The following EIF3L variants were observed in gnomAD, a reference collection of about 807,000 sequenced individuals.
The protein encoded by EIF3L is eukaryotic translation initiation factor 3 subunit L, also known as eIEF associated protein HSPC021.
In EIF3L, 32 loss-of-function variants were observed where a neutral mutation model predicts 74.6. The ratio of observed to expected loss-of-function variants is 0.43; its 90% confidence interval spans 0.32 to 0.58. The LOEUF (loss-of-function observed/expected upper bound fraction) is 0.58, where lower values mean the gene tolerates loss of function less well. EIF3L is among the 20% of genes least tolerant of loss of function. The pLI is 0.06. For missense variants in EIF3L, 474 were observed against 707.8 expected (o/e 0.67, Z 3.75); for synonymous variants, 256 against 254.4 (o/e 1.01, Z -0.06).
intron 9 of EIF3L, 61 bp downstream of exon 9, chr22:37,874,585 A>C (rs1264270697): frequency 1.3e-6 from 2 of 1,543,556 alleles, no homozygotes; most frequent in Non-Finnish European, 1.8e-6. Context: ...CTAGAGAACC[A>C]CTCTGATCTC....
intron 11 of EIF3L, chr22:37,879,772 C>G (rs904458414): frequency 8.6e-5 from 13 of 151,796 alleles, no homozygotes; most frequent in Admixed American, 7.9e-4. Context: ...CTCACATAAC[C>G]CTCATTGGCC....
rs1023400042 is a variant in EIF3L, at chr22:37,849,479, T to C, written c.30T>C (p.Ser10=). The part of the protein sequence containing the change: MSYPADDYE[S]EAAYDPYAYP... Reference sequence around the variant, plus strand: ...CTTATCCCGCTGATGATTATGAGTCTGAGGTAAGGTGGCCGTAAGGGCGCG... The same window carrying C: ...CTTATCCCGCTGATGATTATGAGTCCGAGGTAAGGTGGCCGTAAGGGCGCG... The change falls in exon 1 of 13, where the codon TCT becomes TCC. Residue 10 remains serine (S), a synonymous_variant. Transcript: ENST00000652021. 1 of 1,598,052 alleles carries C rather than the reference T, an allele frequency of 6.3e-7. No homozygotes were observed. Among genetic ancestry groups the C allele is most frequent in the Admixed American group, 1.7e-5 (1 of 58,848 alleles).
At chr22:37,870,566 A>C (rs551694887) in intron 8 of EIF3L, among the ~76,000 whole-genome samples, 1 of 152,192 alleles carries the variant, frequency 6.6e-6, no homozygotes, top group Non-Finnish European at 1.5e-5. Flanking sequence ...GAACCAGCAC[A>C]TTGAGATTTG....
chr22:37,862,869 C>G, intron 5 of EIF3L, 100 bp from the exon 6 acceptor site: 1 of 852,656 alleles, frequency 1.2e-6, no homozygotes, highest in Non-Finnish European at 1.9e-6. Context: ...AGGACAGATA[C>G]CAATTCTCTT....
At chr22:37,875,583 A>T (rs541147843) in intron 9 of EIF3L, among the ~76,000 whole-genome samples, 22 of 152,292 alleles carry the variant, frequency 1.4e-4, no homozygotes, top group African/African-American at 5.1e-4. Flanking sequence ...CAAAACTGAG[A>T]TGTATAGCAT....
Position 37,878,097 on chromosome 22 carries a change from G to C in EIF3L, c.1501G>C (p.Val501Leu). Reference protein sequence around the residue: ...LVFKHKMKNLVWTSGISALDG... With the variant: ...LVFKHKMKNLLWTSGISALDG... ...CTTCAAACACAAGATGAAGAACCTCGTGTGGACCAGCGGTATCTCAGCCCT... is the reference window on the plus strand; with the variant it reads ...CTTCAAACACAAGATGAAGAACCTCCTGTGGACCAGCGGTATCTCAGCCCT... The change falls in exon 11 of 13, where the codon GTG (valine) becomes CTG (leucine). Residue 501 changes from valine (V) to leucine (L), a missense_variant. By Grantham distance (32) the Val-to-Leu change is conservative (BLOSUM62 1). This residue lies in a region of EIF3L where 293 missense variants were observed against 469.1 expected (regional missense o/e 0.62). Coordinates refer to ENST00000652021, the MANE Select transcript of EIF3L (RefSeq NM_016091.4). The C allele has an allele frequency of 1.2e-6, 2 of 1,614,162 alleles. No individual in the cohort carries two copies. The highest frequency in any genetic ancestry group is 1.7e-6 in the Non-Finnish European group (2 of 1,180,030).
At position 37,863,253 on chromosome 22, in the gene EIF3L, T is replaced by C. The variant is rs1195353958; in HGVS notation, c.506-19T>C. The C allele has an allele frequency of 1.9e-6, 3 of 1,605,128 alleles. No homozygotes were observed. The highest frequency in any genetic ancestry group is 2.7e-5 in the African/African-American group (2 of 74,490). On this transcript the variant is annotated intron_variant, in intron 6 of 12. Coordinates refer to ENST00000652021, the MANE Select transcript of EIF3L (RefSeq NM_016091.4). ...GAGTCATTGCTTTGAATCTGACTTT[T>C]CTGTGATCTCCTGCACAGATGCCGA...
At position 37,870,363 on chromosome 22, in the gene EIF3L, C is replaced by A; in HGVS notation, c.751+16C>A. The A allele has an allele frequency of 6.3e-7, 1 of 1,582,554 alleles. No homozygotes were observed. The highest frequency in any genetic ancestry group is 1.1e-5 in the South Asian group (1 of 87,096). ...ACAAGCGGAGGTGAGTGCAGCAGGC[C>A]GACAGCCGTGGCCTGCGAATTTCCA... On this transcript the variant is annotated intron_variant, in intron 8 of 12. Transcript: ENST00000652021.
At chr22:37,866,464 T>TA (rs1305651668) in intron 7 of EIF3L, among the ~76,000 whole-genome samples, 1 of 152,230 alleles carries the variant, frequency 6.6e-6, no homozygotes, top group Non-Finnish European at 1.5e-5. Context: ...TAAGTTTTTT[T>TA]AAATCAGCTT....
chr22:37,855,153 T>G (rs1178976098), intron 3 of EIF3L, among the ~76,000 whole-genome samples: 1 of 152,188 alleles, frequency 6.6e-6, no homozygotes, highest in Non-Finnish European at 1.5e-5. Context: ...ATGCTGTAGG[T>G]CTGTTGTGGC....
Position 37,878,144 on chromosome 22 carries a change from C to T in EIF3L, c.1548C>T (p.Ala516=), listed in dbSNP as rs1455053455. The T allele has an allele frequency of 6.2e-7, 1 of 1,611,600 alleles. No individual in the cohort carries two copies. The highest frequency in any genetic ancestry group is 8.5e-7 in the Non-Finnish European group (1 of 1,178,362). ...ISALDGEFQS[A]SEVDFYIDKD... is the part of the protein sequence containing the mutation. ...CCCTGGATGGTGAATTTCAGTCAGCCTCAGAGGTTGACTTCTACATTGATA... is the reference window on the plus strand; with the variant it reads ...CCCTGGATGGTGAATTTCAGTCAGCTTCAGAGGTTGACTTCTACATTGATA... The change falls in exon 11 of 13, where the codon GCC becomes GCT. Residue 516 remains alanine, a synonymous_variant. Transcript: ENST00000652021.
At chr22:37,850,852 G>A (rs1297855333) in intron 2 of EIF3L, among the ~76,000 whole-genome samples, 1 of 152,198 alleles carries the variant, frequency 6.6e-6, no homozygotes, top group Admixed American at 6.5e-5. Flanking sequence ...AGAAAATATA[G>A]CAGAGAGGTT....
At chr22:37,856,089 G>T (rs906211668) in intron 4 of EIF3L, among the ~76,000 whole-genome samples, 9 of 151,390 alleles carry the variant, frequency 5.9e-5, no homozygotes, top group African/African-American at 2.2e-4. Flanking sequence ...ATGGAGTCTC[G>T]TTCTGTCTCC....
chr22:37,881,102 CT>C (rs1202886659), intron 11 of EIF3L: 1 of 152,190 alleles, frequency 6.6e-6, no homozygotes, highest in East Asian at 1.9e-4. Flanking sequence ...GCCTCAAGTT[CT>C]TTCCAGAAGG....
At chr22:37,874,333 G>T (rs778719681) in intron 8 of EIF3L, 37 bp from the exon 9 acceptor site, 3 of 1,598,106 alleles carry the variant, frequency 1.9e-6, no homozygotes, top group Admixed American at 1.7e-5. Context: ...GCCTTTACCT[G>T]CCTCCTATCA....
intron 3 of EIF3L, among the ~76,000 whole-genome samples, chr22:37,854,947 G>A (rs1458831588): frequency 3.9e-5 from 6 of 152,160 alleles, no homozygotes; most frequent in Non-Finnish European, 5.9e-5. Context: ...GGCCTGTTCA[G>A]TGTTTTTTAG....
At chr22:37,881,503 G>A (rs1927046900) in intron 11 of EIF3L, 1 of 152,246 alleles carries the variant, frequency 6.6e-6, no homozygotes, top group South Asian at 2.1e-4. Context: ...CTGCCTCCCG[G>A]GTTCAGGCGA....
At chr22:37,868,706 G>A (rs1341089744) in intron 7 of EIF3L, among the ~76,000 whole-genome samples, 1 of 134,498 alleles carries the variant, frequency 7.4e-6, no homozygotes, top group Non-Finnish European at 1.5e-5. Flanking sequence ...GCAATGGTGC[G>A]ATCTTGGCTC....
intron 7 of EIF3L, among the ~76,000 whole-genome samples, chr22:37,867,380 C>T (rs979181717): frequency 3.3e-5 from 5 of 152,004 alleles, no homozygotes; most frequent in South Asian, 4.1e-4. Context: ...AAATTCTGGC[C>T]GGGCGCAGTG....
Sources: allele counts gnomAD v4.1 joint callset (sites outside exome capture counted in the v4.1 genomes callset), GRCh38; gene constraint gnomAD v4.1.1; regional missense constraint gnomAD v4.1.1; transcripts MANE v1.5; gene names NCBI Gene and HGNC (gene_info 2026-07-23, HGNC 2026-07-21).